Variants in PIEZO2 observed in about 807,000 individuals in gnomAD.
PIEZO2 encodes the protein piezo type mechanosensitive ion channel component 2, also known as piezo-type mechanosensitive ion channel component 2.
PIEZO2 carries 172 observed loss-of-function variants against 337.3 expected under a neutral mutation model. The ratio of observed to expected loss-of-function variants is 0.51; its 90% CI spans 0.45 to 0.58. PIEZO2 has a LOEUF of 0.58. PIEZO2 is among the 20% of genes least tolerant of loss of function. The pLI, the probability that PIEZO2 is intolerant of heterozygous loss-of-function variation, is 0.00. For missense variants in PIEZO2, 3,028 were observed against 3,391.3 expected (o/e 0.89, Z 2.66); for synonymous variants, 1,251 against 1,228.5 (o/e 1.02, Z -0.38).
At chr18:11,117,306 A>C (rs1056075064) in intron 1 of PIEZO2, among the ~76,000 whole-genome samples, 1 of 152,182 alleles carries the variant, frequency 6.6e-6, no homozygotes, top group South Asian at 2.1e-4. Context: ...AAATCAAATA[A>C]ATCAAAATCA....
At chr18:10,944,160 T>G (rs2145267687) in intron 3 of PIEZO2, among the ~76,000 whole-genome samples, 1 of 152,120 alleles carries the variant, frequency 6.6e-6, no homozygotes. Flanking sequence ...AATGAAAACA[T>G]AAATATTTAA....
At chr18:10,971,126 T>C (rs1432811260) in intron 3 of PIEZO2, among the ~76,000 whole-genome samples, 1 of 152,102 alleles carries the variant, frequency 6.6e-6, no homozygotes, top group Non-Finnish European at 1.5e-5. Context: ...ACCAACAAGC[T>C]TGGCAAACAG....
intron 2 of PIEZO2, among the ~76,000 whole-genome samples, chr18:11,062,375 A>T (rs1044538247): frequency 1.8e-4 from 27 of 152,336 alleles, no homozygotes; most frequent in African/African-American, 6.5e-4. Flanking sequence ...TAAAACACCA[A>T]AAGCAATGGC....
At chr18:10,749,829 C>A (rs1235399305) in intron 29 of PIEZO2, among the ~76,000 whole-genome samples, 1 of 152,176 alleles carries the variant, frequency 6.6e-6, no homozygotes, top group African/African-American at 2.4e-5. Flanking sequence ...GTTACTACAG[C>A]ACTACATCCA....
intron 2 of PIEZO2, among the ~76,000 whole-genome samples, chr18:10,996,637 A>G (rs60753834): frequency 0.033 from 5,066 of 152,252 alleles, 145 homozygotes; most frequent in African/African-American, 0.072. Context: ...TTCAAGGCTC[A>G]TTCACCTTGT....
intron 1 of PIEZO2, among the ~76,000 whole-genome samples, chr18:11,117,997 T>C (rs1289051176): frequency 6.6e-6 from 1 of 152,236 alleles, no homozygotes. Flanking sequence ...TATGTACTAG[T>C]TGGATGGCTA....
At chr18:10,683,436 C>T (rs1321603356) in intron 49 of PIEZO2, among the ~76,000 whole-genome samples, 1 of 152,204 alleles carries the variant, frequency 6.6e-6, no homozygotes, top group Non-Finnish European at 1.5e-5. Context: ...CCCTATGGAT[C>T]TGCACTATGG....
At chr18:10,944,341 C>T (rs956218953) in intron 3 of PIEZO2, among the ~76,000 whole-genome samples, 8 of 151,512 alleles carry the variant, frequency 5.3e-5, no homozygotes, top group East Asian at 1.9e-4. Flanking sequence ...AAACAATATT[C>T]GGTGGGATAA....
At position 11,038,089 on chromosome 18, in the gene PIEZO2, T is replaced by C. The variant is rs553580257; in HGVS notation, c.160+28038A>G. On this transcript the variant is annotated intron_variant, in intron 2 of 55. Coordinates refer to ENST00000674853, the MANE Select transcript of PIEZO2 (RefSeq NM_001378183.1). This position sits in a 1 kb window ranked among gnomAD's most constrained non-coding sequence, Gnocchi z 4.1. ...AGAAGGAGGAAGTCACACTTGTTTT[T>C]CATTGGCTCAAAACATTGTAAAAGA... Among the ~76,000 whole-genome samples, 3 of 152,306 alleles carry C rather than the reference T, an allele frequency of 2.0e-5. No individual in the cohort carries two copies. Among genetic ancestry groups the C allele is most frequent in the Admixed American group, 2.0e-4 (3 of 15,292 alleles).
At chr18:10,822,820 C>A (rs1346750650) in intron 7 of PIEZO2, among the ~76,000 whole-genome samples, 2 of 152,172 alleles carry the variant, frequency 1.3e-5, no homozygotes, top group Non-Finnish European at 2.9e-5. Context: ...AGACAGCCAA[C>A]AAACAGAAGT....
At chr18:10,684,961 C>G (rs1224150539) in intron 49 of PIEZO2, among the ~76,000 whole-genome samples, 1 of 152,086 alleles carries the variant, frequency 6.6e-6, no homozygotes, top group East Asian at 1.9e-4. Context: ...GCTGGTAACT[C>G]AGCTCCTCAC....
At position 10,750,245 on chromosome 18, in the gene PIEZO2, GT is replaced by G; in HGVS notation, c.4168-59del. The G allele has an allele frequency of 7.9e-7, 1 of 1,259,442 alleles. No individual in the cohort carries two copies. The highest frequency in any genetic ancestry group is 1.1e-6 in the Non-Finnish European group (1 of 894,116). The allele number at this position is 1,259,442 out of a possible 1,614,324, so 78.0% of individuals were successfully genotyped here. A position where few individuals can be genotyped will look rare whatever the true frequency, so the allele number is the denominator to read the frequency against. ...CTCTGCAGCCAGAAAAAAAAGTGGT[GT>G]TTTATGATCCCAACATGTGCAAGAA... On this transcript the variant is annotated intron_variant, in intron 28 of 55. Coordinates refer to ENST00000674853, the MANE Select transcript of PIEZO2 (RefSeq NM_001378183.1). This position sits in a 1 kb window ranked among gnomAD's most constrained non-coding sequence, Gnocchi z 4.1.
intron 38 of PIEZO2, 133 bp from the exon 39 acceptor site, chr18:10,715,063 G>A: frequency 2.4e-6 from 2 of 836,754 alleles, no homozygotes; most frequent in East Asian, 2.8e-5. Context: ...CTAGGCAAGT[G>A]GGGATTGATG....
At chr18:11,022,107 C>T (rs111246482) in intron 2 of PIEZO2, among the ~76,000 whole-genome samples, 170 of 152,266 alleles carry the variant, frequency 1.1e-3, no homozygotes, top group African/African-American at 3.8e-3. Flanking sequence ...ATAAGGACTA[C>T]GAGAGGTAGG....
rs528717931 is a variant in PIEZO2 at position 11,125,694 on chromosome 18, G to C, written c.64+22831C>G. 6.6e-6 allele frequency among the ~76,000 whole-genome samples: 1 copy of C among 152,334 alleles called. No homozygotes were observed. Among genetic ancestry groups the C allele is most frequent in the Non-Finnish European group, 1.5e-5 (1 of 68,028 alleles). Reference sequence around the variant, plus strand: ...TGCGTAGGTCTATGCCAGGAAAAGAGAGTCTAGTTCAGGGCAGGACAACAT... The same window carrying C: ...TGCGTAGGTCTATGCCAGGAAAAGACAGTCTAGTTCAGGGCAGGACAACAT... On this transcript the variant is annotated intron_variant, in intron 1 of 55. Coordinates refer to ENST00000674853, the MANE Select transcript of PIEZO2 (RefSeq NM_001378183.1). The surrounding 1 kb of genome is among the most constrained non-coding windows in gnomAD (Gnocchi z 4.4).
intron 4 of PIEZO2, among the ~76,000 whole-genome samples, chr18:10,892,465 G>A (rs891926924): frequency 2.6e-5 from 4 of 152,166 alleles, no homozygotes; most frequent in South Asian, 2.1e-4. Context: ...TGGTTGCCAC[G>A]GGCTGGGGGA....
At chr18:10,718,639 T>A (rs1254844217) in intron 36 of PIEZO2, among the ~76,000 whole-genome samples, 1 of 152,224 alleles carries the variant, frequency 6.6e-6, no homozygotes, top group African/African-American at 2.4e-5. Context: ...TTTGTCTGTA[T>A]ATTATCTATA....
intron 3 of PIEZO2, among the ~76,000 whole-genome samples, chr18:10,928,159 G>C (rs190749969): frequency 6.6e-6 from 1 of 152,162 alleles, no homozygotes; most frequent in Non-Finnish European, 1.5e-5. Flanking sequence ...CTTTGAATAA[G>C]TATCAGTTTC....
chr18:11,065,344 A>G (rs1024100178), intron 2 of PIEZO2, among the ~76,000 whole-genome samples: 16 of 152,228 alleles, frequency 1.1e-4, no homozygotes, highest in Admixed American at 7.9e-4. Flanking sequence ...GCACTCACCT[A>G]CAACATTTGG....
Sources: allele counts gnomAD v4.1 joint callset (sites outside exome capture counted in the v4.1 genomes callset), GRCh38; gene constraint gnomAD v4.1.1; non-coding constraint Gnocchi (gnomAD v3.1); transcripts MANE v1.5; gene names NCBI Gene and HGNC (gene_info 2026-07-23, HGNC 2026-07-21).